Variants in WSCD1 observed in about 807,000 individuals in gnomAD.
WSCD1 encodes WSC domain sialate O sulfotransferase 1.
Under a neutral mutation model 60.4 loss-of-function variants are expected in WSCD1, and 41 were observed. The observed-to-expected ratio is 0.68, with a 90% CI of 0.53 to 0.88. The LOEUF (loss-of-function observed/expected upper bound fraction) is 0.88. WSCD1 is among the 40% of genes least tolerant of loss of function. The pLI is 0.00. For missense variants in WSCD1, 784 were observed against 796.2 expected (o/e 0.98, Z 0.18); for synonymous variants, 361 against 332.5 (o/e 1.09, Z -0.93).
Position 6,075,583 on chromosome 17 carries a change from T to G in WSCD1, c.-288-4788T>G, listed in dbSNP as rs1314663199. ...ATATCCAGGTGCTCTGGGCTCCTGC[T>G]CCCTCCCTGAGACTTCCAGAAGCCC... is the stretch of plus-strand genomic sequence containing the variant. On this transcript the variant is annotated intron_variant, in intron 1 of 8. Transcript: ENST00000317744. The surrounding 1 kb of genome is among the most constrained non-coding windows in gnomAD (Gnocchi z 4.1). Among the ~76,000 whole-genome samples, 1 of 152,110 alleles carries G rather than the reference T, an allele frequency of 6.6e-6. No homozygotes were observed. The highest frequency in any genetic ancestry group is 2.4e-5 in the African/African-American group (1 of 41,392).
chr17:6,107,331 T>C (rs1482128384), intron 5 of WSCD1, among the ~76,000 whole-genome samples: 9 of 151,844 alleles, frequency 5.9e-5, no homozygotes, highest in Admixed American at 5.9e-4. Flanking sequence ...TGAAACCCCA[T>C]CTCTACTAAA....
chr17:6,110,753 T>A lies in WSCD1; in HGVS notation c.1010-18T>A. On this transcript the variant is annotated intron_variant, in intron 6 of 8. Transcript: ENST00000317744. This position sits in a 1 kb window ranked among gnomAD's most constrained non-coding sequence, Gnocchi z 4.8. ...ATAATGGAAGTGAGTAACCCCGTGA[T>A]GACTTTTGGACTTTCAGACACTCGT... 6.2e-7 allele frequency: 1 copy of A among 1,600,310 alleles called. No individual in the cohort carries two copies. The highest frequency in any genetic ancestry group is 8.6e-7 in the Non-Finnish European group (1 of 1,169,422).
At position 6,124,293 on chromosome 17, in the gene WSCD1, G is replaced by A. The variant is rs1361729944; in HGVS notation, c.*3632G>A. On this transcript the variant is annotated 3_prime_UTR_variant, in exon 9 of 9. Transcript: ENST00000317744. ...ATCACGTGAAGCTGACACCACTGAA[G>A]GGAGAGTTGAGAGGCAGAAAGAGAT... 2 of 152,228 alleles carry A rather than the reference G, an allele frequency of 1.3e-5. No homozygotes were observed. The highest frequency in any genetic ancestry group is 4.8e-5 in the African/African-American group (2 of 41,452). The allele number at this position is 152,228 out of a possible 1,614,324, so 9.4% of individuals were successfully genotyped here.
At chr17:6,091,425 G>A (rs547047399) in intron 4 of WSCD1, among the ~76,000 whole-genome samples, 4 of 152,230 alleles carry the variant, frequency 2.6e-5, no homozygotes, top group South Asian at 2.1e-4. Flanking sequence ...GAGGGAAGTC[G>A]CCAGGCTGCA....
intron 2 of WSCD1, among the ~76,000 whole-genome samples, chr17:6,085,959 A>C (rs1205049187): frequency 6.6e-6 from 1 of 152,144 alleles, no homozygotes; most frequent in Non-Finnish European, 1.5e-5. Flanking sequence ...GGGCAGTAGC[A>C]TGTGCCTGTG....
At chr17:6,099,290 G>T (rs1036417633) in intron 5 of WSCD1, among the ~76,000 whole-genome samples, 1 of 152,056 alleles carries the variant, frequency 6.6e-6, no homozygotes, top group African/African-American at 2.4e-5. Context: ...GCTGAGGTGG[G>T]CGGATCATGA....
At position 6,121,392 on chromosome 17, in the gene WSCD1, C is replaced by G. The variant is rs1244429148; in HGVS notation, c.*731C>G. ...CACCCCGCCCAAGCCAATGCAGACACTGACCTCAAGACCAGCCACACCAAG... is the reference window on the plus strand; with the variant it reads ...CACCCCGCCCAAGCCAATGCAGACAGTGACCTCAAGACCAGCCACACCAAG... On this transcript the variant is annotated 3_prime_UTR_variant, in exon 9 of 9. Transcript: ENST00000317744. 6.6e-6 allele frequency: 1 copy of G among 152,524 alleles called. No homozygotes were observed. Among genetic ancestry groups the G allele is most frequent in the Non-Finnish European group, 1.5e-5 (1 of 68,330 alleles). 9.4% of individuals were successfully genotyped at this position (152,524 alleles called of 1,614,324 possible).
At chr17:6,085,544 T>C (rs1909580347) in intron 2 of WSCD1, among the ~76,000 whole-genome samples, 1 of 152,076 alleles carries the variant, frequency 6.6e-6, no homozygotes, top group Non-Finnish European at 1.5e-5. Flanking sequence ...AGCCAGATAG[T>C]GGTGGAGCCT....
chr17:6,083,509 C>T (rs1215971619), intron 2 of WSCD1, among the ~76,000 whole-genome samples: 3 of 152,182 alleles, frequency 2.0e-5, no homozygotes, highest in African/African-American at 2.4e-5. Flanking sequence ...CCTCCCAAAG[C>T]GCTAGGATTA....
chr17:6,099,536 G>A (rs1204825815), intron 5 of WSCD1, among the ~76,000 whole-genome samples: 1 of 151,708 alleles, frequency 6.6e-6, no homozygotes, highest in African/African-American at 2.4e-5. Context: ...AAAAAAGAGA[G>A]CAACTGGGTT....
intron 1 of WSCD1, among the ~76,000 whole-genome samples, chr17:6,072,446 C>T (rs530393560): frequency 5.9e-5 from 9 of 152,226 alleles, no homozygotes; most frequent in Admixed American, 1.3e-4. Context: ...AGCAGGGCCT[C>T]TAGGGAAGTG....
chr17:6,082,561 T>G (rs1909349946), intron 2 of WSCD1, among the ~76,000 whole-genome samples: 1 of 152,204 alleles, frequency 6.6e-6, no homozygotes, highest in Admixed American at 6.5e-5. Flanking sequence ...CTCTGCAGGG[T>G]GCAGCAAATG....
At chr17:6,088,813 C>G (rs1007545348) in intron 3 of WSCD1, among the ~76,000 whole-genome samples, 3 of 145,762 alleles carry the variant, frequency 2.1e-5, no homozygotes, top group African/African-American at 7.7e-5. Context: ...GACGGAGTCT[C>G]GCTCTGTTGC....
intron 5 of WSCD1, among the ~76,000 whole-genome samples, chr17:6,097,845 C>T (rs965400409): frequency 5.9e-5 from 9 of 152,126 alleles, no homozygotes; most frequent in Non-Finnish European, 1.2e-4. Flanking sequence ...CCCTCGTAAC[C>T]CTTATTTTGT....
In WSCD1 at chr17:6,075,927, C is replaced by T. The variant is rs981613288; in HGVS notation, c.-288-4444C>T. 6.7e-5 allele frequency among the ~76,000 whole-genome samples: 10 copies of T among 149,742 alleles called. No individual in the cohort carries two copies. Among genetic ancestry groups the T allele is most frequent in the Admixed American group, 2.6e-4 (4 of 15,244 alleles). On this transcript the variant is annotated intron_variant, in intron 1 of 8. Transcript: ENST00000317744. The surrounding 1 kb of genome is among the most constrained non-coding windows in gnomAD (Gnocchi z 4.1). ...GTCCCAGTGGGCTGGGGCGGGAACA[C>T]TCACGGACAAGGCACTGTCTGGAAG...
chr17:6,112,745 A>T lies in WSCD1; in HGVS notation c.1174+1810A>T, dbSNP rs374511053. ...CCTAGGAATAAATTTAATAAAAGAG[A>T]TGAAAGATCTCTGCAAAGATAACTA... On this transcript the variant is annotated intron_variant, in intron 7 of 8. Transcript: ENST00000317744. Among the ~76,000 whole-genome samples, 101 of 152,296 alleles carry T rather than the reference A, an allele frequency of 6.6e-4. 1 individual carries two copies. The South Asian group carries it at 0.021, about 31-fold the overall frequency.
chr17:6,103,245 G>T (rs1396695748), intron 5 of WSCD1, among the ~76,000 whole-genome samples: 1 of 152,202 alleles, frequency 6.6e-6, no homozygotes, highest in East Asian at 1.9e-4. Flanking sequence ...ATGTTTTGGG[G>T]TGTGTCTGGA....
intron 7 of WSCD1, among the ~76,000 whole-genome samples, chr17:6,115,638 A>C (rs916149489): frequency 2.6e-5 from 4 of 151,372 alleles, no homozygotes; most frequent in African/African-American, 9.7e-5. Context: ...TCTGTCGCCC[A>C]GGATGGAGTG....
At chr17:6,091,051 C>T (rs1383944336) in intron 4 of WSCD1, among the ~76,000 whole-genome samples, 5 of 152,060 alleles carry the variant, frequency 3.3e-5, no homozygotes, top group South Asian at 2.1e-4. Flanking sequence ...CCACCACACC[C>T]GGCTAATGTT....
Sources: gnomAD v4.1 joint callset for allele counts (sites outside exome capture counted in the v4.1 genomes callset) on GRCh38, gnomAD v4.1.1 for gene constraint, Gnocchi (gnomAD v3.1) non-coding constraint, MANE v1.5 for transcripts, NCBI Gene and HGNC (gene_info 2026-07-23, HGNC 2026-07-21) for gene names.